The following AGBL4 variants were observed in gnomAD, a reference collection of about 807,000 sequenced individuals.
AGBL4 encodes cytosolic carboxypeptidase 6.
AGBL4 carries 58 observed loss-of-function variants against 66.4 expected under a neutral mutation model. That is an observed-to-expected ratio of 0.87 (90% confidence interval 0.71 to 1.09). The LOEUF (loss-of-function observed/expected upper bound fraction) is 1.09. AGBL4 is among the 50% of genes least tolerant of loss of function. AGBL4 has a pLI of 0.00. For synonymous variants in AGBL4, 234 were observed against 222.9 expected, an observed-to-expected ratio of 1.05 and a Z score of -0.44; for missense variants, 579 against 631.0, an observed-to-expected ratio of 0.92 and a Z score of 0.88.
intron 3 of AGBL4, among the ~76,000 whole-genome samples, chr1:49,587,108 T>A (rs116404239): frequency 0.019 from 2,892 of 152,062 alleles, 41 homozygotes; most frequent in Non-Finnish European, 0.027. Context: ...TAGACAGGTG[T>A]AGTGGCATAT....
At chr1:48,627,126 A>G (rs1645516203) in intron 9 of AGBL4, among the ~76,000 whole-genome samples, 1 of 152,022 alleles carries the variant, frequency 6.6e-6, no homozygotes, top group Admixed American at 6.6e-5. Flanking sequence ...TCAGGTATGG[A>G]CACTCGGGTC....
intron 3 of AGBL4, among the ~76,000 whole-genome samples, chr1:49,353,482 T>C (rs1319250895): frequency 1.3e-5 from 2 of 152,172 alleles, no homozygotes; most frequent in Non-Finnish European, 1.5e-5. Flanking sequence ...TACTTATACA[T>C]GATCCACAGT....
intron 3 of AGBL4, among the ~76,000 whole-genome samples, chr1:49,521,912 G>C (rs925262606): frequency 2.2e-4 from 8 of 36,808 alleles, no homozygotes; most frequent in Non-Finnish European, 3.1e-4. Context: ...AACTATTAGA[G>C]GGGGGAATGA....
At chr1:48,633,551 G>A (rs528398416) in intron 9 of AGBL4, among the ~76,000 whole-genome samples, 1 of 152,232 alleles carries the variant, frequency 6.6e-6, no homozygotes, top group Admixed American at 6.5e-5. Context: ...TGGACTAAAA[G>A]TTGAACACTT....
At chr1:49,325,507 A>G (rs540350536) in intron 3 of AGBL4, among the ~76,000 whole-genome samples, 2 of 152,192 alleles carry the variant, frequency 1.3e-5, no homozygotes, top group Non-Finnish European at 2.9e-5. Flanking sequence ...TGTTGTTTTA[A>G]AACAGTCAAT....
intron 11 of AGBL4, among the ~76,000 whole-genome samples, chr1:48,568,131 T>C (rs892145152): frequency 6.6e-6 from 1 of 152,224 alleles, no homozygotes; most frequent in South Asian, 2.1e-4. Context: ...TTTTTCTTTT[T>C]GGATCAAGCA....
At chr1:49,057,433 G>T (rs1644327577) in intron 4 of AGBL4, among the ~76,000 whole-genome samples, 1 of 151,324 alleles carries the variant, frequency 6.6e-6, no homozygotes, top group South Asian at 2.1e-4. Flanking sequence ...AAAAGAAAAA[G>T]AAAAAAAAGC....
intron 6 of AGBL4, among the ~76,000 whole-genome samples, chr1:48,681,061 AC>A (rs1274739113): frequency 6.6e-6 from 1 of 152,128 alleles, no homozygotes; most frequent in Non-Finnish European, 1.5e-5. Flanking sequence ...CACTTTTAAA[AC>A]TAGTGCCCTG....
chr1:48,691,545 G>A (rs1038705068), intron 6 of AGBL4, among the ~76,000 whole-genome samples: 1 of 152,190 alleles, frequency 6.6e-6, no homozygotes, highest in Non-Finnish European at 1.5e-5. Context: ...CGCTCAGGGA[G>A]GTACTGGGCT....
intron 3 of AGBL4, among the ~76,000 whole-genome samples, chr1:49,579,988 C>G (rs1187636995): frequency 6.6e-6 from 1 of 152,078 alleles, no homozygotes; most frequent in African/African-American, 2.4e-5. Context: ...AATCTAAGTG[C>G]TCTGGTATTG....
chr1:48,916,845 G>A (rs1653627313), intron 5 of AGBL4, among the ~76,000 whole-genome samples: 1 of 152,066 alleles, frequency 6.6e-6, no homozygotes, highest in Admixed American at 6.6e-5. Context: ...GATTGAATGA[G>A]TGCTATTCTA....
intron 3 of AGBL4, among the ~76,000 whole-genome samples, chr1:49,605,456 G>A (rs1196869888): frequency 6.6e-6 from 1 of 152,078 alleles, no homozygotes; most frequent in Non-Finnish European, 1.5e-5. Flanking sequence ...GAGGAGAAAA[G>A]CCATTCAAAG....
chr1:49,752,551 C>T (rs530303980), intron 2 of AGBL4, among the ~76,000 whole-genome samples: 2 of 152,202 alleles, frequency 1.3e-5, no homozygotes, highest in South Asian at 4.1e-4. Context: ...ATTCTGTTGA[C>T]TTGGGGTGGA....
At chr1:49,383,873 T>G (rs1417503423) in intron 3 of AGBL4, among the ~76,000 whole-genome samples, 3 of 152,012 alleles carry the variant, frequency 2.0e-5, no homozygotes, top group African/African-American at 7.2e-5. Context: ...CTTGGCTCAT[T>G]GCGACCGCCG....
At chr1:49,981,350 T>C (rs559951605) in intron 1 of AGBL4, among the ~76,000 whole-genome samples, 2 of 152,250 alleles carry the variant, frequency 1.3e-5, no homozygotes, top group Admixed American at 6.5e-5. Context: ...AAGGAATGCC[T>C]TAGTCCTACA....
intron 6 of AGBL4, among the ~76,000 whole-genome samples, chr1:48,674,083 T>TA (rs1352984755): frequency 1.3e-5 from 2 of 152,298 alleles, no homozygotes; most frequent in Admixed American, 6.5e-5. Context: ...GCTCGCCTCT[T>TA]ACTGTTGTTT....
At chr1:49,260,890 A>G in intron 3 of AGBL4, among the ~76,000 whole-genome samples, 1 of 150,344 alleles carries the variant, frequency 6.7e-6, no homozygotes, top group Non-Finnish European at 1.5e-5. Flanking sequence ...CTTGATGAAC[A>G]TTGATGCAAA....
At chr1:49,765,752 G>A (rs1260896213) in intron 2 of AGBL4, among the ~76,000 whole-genome samples, 1 of 151,908 alleles carries the variant, frequency 6.6e-6, no homozygotes, top group African/African-American at 2.4e-5. Context: ...AAATCAATCA[G>A]AACAATGGAA....
chr1:50,012,190 T>C (rs1180938980), intron 1 of AGBL4, among the ~76,000 whole-genome samples: 1 of 135,126 alleles, frequency 7.4e-6, no homozygotes, highest in Non-Finnish European at 1.6e-5. Flanking sequence ...AAAAAAAGAA[T>C]GTTTACCAGA....
Sources: gnomAD v4.1 joint callset for allele counts (sites outside exome capture counted in the v4.1 genomes callset) on GRCh38, gnomAD v4.1.1 for gene constraint, MANE v1.5 for transcripts, NCBI Gene and HGNC (gene_info 2026-07-23, HGNC 2026-07-21) for gene names.